Variants in TAMALIN observed in about 807,000 individuals in gnomAD.
The protein encoded by TAMALIN is protein TAMALIN.
Under a neutral mutation model 38.5 loss-of-function variants are expected in TAMALIN, and 9 were observed. The ratio of observed to expected loss-of-function variants is 0.23; its 90% CI spans 0.14 to 0.41. TAMALIN has a LOEUF of 0.41. TAMALIN is among the 10% of genes least tolerant of loss of function. The pLI, the probability that TAMALIN is intolerant of heterozygous loss-of-function variation, is 1.00. For synonymous variants in TAMALIN, 306 were observed against 256.5 expected, an observed-to-expected ratio of 1.19 and a Z score of -1.85; for missense variants, 548 against 554.1, an observed-to-expected ratio of 0.99 and a Z score of 0.11.
chr12:52,013,649 C>A, intron 4 of TAMALIN, 38 bp from the exon 5 acceptor site: 1 of 1,578,892 alleles, frequency 6.3e-7, no homozygotes, highest in South Asian at 1.1e-5. Context: ...TCTAGCATGC[C>A]CCATGGAGCA....
intron 1 of TAMALIN, chr12:52,008,009 T>G (rs904888593): frequency 2.0e-6 from 2 of 985,318 alleles, no homozygotes; most frequent in Admixed American, 6.1e-5. Flanking sequence ...AGGGGCCTGG[T>G]GGCCTTTCCT....
Position 52,007,199 on chromosome 12 carries a change from G to A in TAMALIN, c.180G>A (p.Glu60=). The change falls in exon 1 of 8, where the codon GAG becomes GAA. Residue 60 remains glutamate (E), a synonymous_variant. Coordinates refer to ENST00000293662, the MANE Select transcript of TAMALIN (RefSeq NM_181711.4). This position sits in a 1 kb window ranked among gnomAD's most constrained non-coding sequence, Gnocchi z 6.7. ...PPADELYAAL[E]DYHPAELYRA... ...CGGACGAGCTGTACGCGGCGCTGGA[G>A]GACTATCACCCTGCCGAGCTGTACC... 2.0e-6 allele frequency: 3 copies of A among 1,525,252 alleles called. No homozygotes were observed. The highest frequency in any genetic ancestry group is 1.7e-6 in the Non-Finnish European group (2 of 1,147,760). The allele number at this position is 1,525,252 out of a possible 1,614,324, so 94.5% of individuals were successfully genotyped here.
intron 1 of TAMALIN, chr12:52,008,272 G>C (rs1042252920): frequency 2.0e-6 from 2 of 985,238 alleles, no homozygotes; most frequent in African/African-American, 1.7e-5. Context: ...GCCCTGGGCT[G>C]TGCAGGCTCC....
At chr12:52,012,858 C>G (rs996793086) in intron 4 of TAMALIN, among the ~76,000 whole-genome samples, 35 of 152,298 alleles carry the variant, frequency 2.3e-4, no homozygotes, top group Middle Eastern at 6.8e-3. Flanking sequence ...GCCAGTCATT[C>G]CCTGTGCTTC....
chr12:52,014,054 C>A, intron 6 of TAMALIN, 81 bp from the exon 7 acceptor site: 1 of 1,549,636 alleles, frequency 6.5e-7, no homozygotes, highest in Non-Finnish European at 8.9e-7. Flanking sequence ...CTTTTGTCTA[C>A]TCCCTGATCC....
chr12:52,011,249 T>C lies in TAMALIN; in HGVS notation c.454+108T>C. ...GAAATCAATTCCTCTTCCTTTTCCTTCTTTGAGAAGGCCAGAAAGAAGAAT... is the reference window on the plus strand; with the variant it reads ...GAAATCAATTCCTCTTCCTTTTCCTCCTTTGAGAAGGCCAGAAAGAAGAAT... On this transcript the variant is annotated intron_variant, in intron 4 of 7. Transcript: ENST00000293662. This position sits in a 1 kb window ranked among gnomAD's most constrained non-coding sequence, Gnocchi z 5.3. The C allele has an allele frequency of 1.9e-6, 3 of 1,559,946 alleles. No individual in the cohort carries two copies. Among genetic ancestry groups the C allele is most frequent in the Non-Finnish European group, 2.6e-6 (3 of 1,155,674 alleles).
At position 52,014,730 on chromosome 12, in the gene TAMALIN, T is replaced by C. The variant is rs1234154708; in HGVS notation, c.719T>C (p.Leu240Pro). The C allele has an allele frequency of 6.6e-7, 1 of 1,520,412 alleles. No homozygotes were observed. Among genetic ancestry groups the C allele is most frequent in the Non-Finnish European group, 8.7e-7 (1 of 1,147,296 alleles). The allele number at this position is 1,520,412 out of a possible 1,614,324, so 94.2% of individuals were successfully genotyped here. ...VVKDPSIYDT[L>P]ESVRSCLYGA... ...AAGGACCCCAGCATCTACGACACGC[T>C]GGAGTCGGTGCGCTCCTGCCTCTAC... Residue 240 changes from leucine (L) to proline (P), a missense_variant, in exon 8 of 8, where the codon CTG becomes CCG. By Grantham distance (98) the Leu-to-Pro change is moderately conservative. Transcript: ENST00000293662.
rs1329503576 is a variant in TAMALIN, at chr12:52,007,986, C to G, written c.246+721C>G. The G allele has an allele frequency of 3.0e-6, 3 of 985,280 alleles. No individual in the cohort carries two copies. Among genetic ancestry groups the G allele is most frequent in the Non-Finnish European group, 3.6e-6 (3 of 829,882 alleles). 61.0% of individuals were successfully genotyped at this position (985,280 alleles called of 1,614,324 possible). Reference sequence around the variant, plus strand: ...CCTGAGGCTCAGAACCTACACAACACCAGGTTAAGAAGAGGGGCCTGGTGG... The same window carrying G: ...CCTGAGGCTCAGAACCTACACAACAGCAGGTTAAGAAGAGGGGCCTGGTGG... On this transcript the variant is annotated intron_variant, in intron 1 of 7. Coordinates refer to ENST00000293662, the MANE Select transcript of TAMALIN (RefSeq NM_181711.4). The surrounding 1 kb of genome is among the most constrained non-coding windows in gnomAD (Gnocchi z 6.7).
chr12:52,008,783 C>T, intron 1 of TAMALIN: 6 of 983,094 alleles, frequency 6.1e-6, no homozygotes, highest in Non-Finnish European at 7.2e-6. Flanking sequence ...GACACCTATC[C>T]TCTGAATCCC....
At chr12:52,009,125 C>G in intron 1 of TAMALIN, 65 bp from the exon 2 acceptor site, 1 of 1,505,070 alleles carries the variant, frequency 6.6e-7, no homozygotes, top group South Asian at 1.1e-5. Flanking sequence ...TCCAGGGTAA[C>G]CTCTCAGTGT....
chr12:52,010,663 A>T, intron 2 of TAMALIN: 1 of 964,236 alleles, frequency 1.0e-6, no homozygotes, highest in Non-Finnish European at 1.4e-6. Context: ...CTTCCCTCCC[A>T]CCACTAGAGG....
At position 52,011,312 on chromosome 12, in the gene TAMALIN, A is replaced by G. The variant is rs1937640036; in HGVS notation, c.454+171A>G. The G allele has an allele frequency of 8.5e-7, 1 of 1,174,942 alleles. No homozygotes were observed. The highest frequency in any genetic ancestry group is 1.5e-5 in the African/African-American group (1 of 65,964). 72.8% of individuals were successfully genotyped at this position (1,174,942 alleles called of 1,614,324 possible). A position where few individuals can be genotyped will look rare whatever the true frequency, so the allele number is the denominator to read the frequency against. Reference sequence around the variant, plus strand: ...GGCTTTGGATCTAGGCAAATTTGCCATGTACTGTGTGATCTTGCACAGCCC... The same window carrying G: ...GGCTTTGGATCTAGGCAAATTTGCCGTGTACTGTGTGATCTTGCACAGCCC... On this transcript the variant is annotated intron_variant, in intron 4 of 7. Transcript: ENST00000293662. This position sits in a 1 kb window ranked among gnomAD's most constrained non-coding sequence, Gnocchi z 5.3.
chr12:52,009,366 G>C lies in TAMALIN; in HGVS notation c.296+127G>C. On this transcript the variant is annotated intron_variant, in intron 2 of 7. Transcript: ENST00000293662. Reference sequence around the variant, plus strand: ...CCTAGCCTTTAAACATGGCTCCCCCGCTGGGAGTGAGGGCAGGTGGGGGTG... The same window carrying C: ...CCTAGCCTTTAAACATGGCTCCCCCCCTGGGAGTGAGGGCAGGTGGGGGTG... 3.4e-6 allele frequency: 3 copies of C among 889,750 alleles called. No homozygotes were observed. The South Asian group carries it at 4.5e-5, about 13-fold the overall frequency. The allele number at this position is 889,750 out of a possible 1,614,324, so 55.1% of individuals were successfully genotyped here. A position where few individuals can be genotyped will look rare whatever the true frequency, so the allele number is the denominator to read the frequency against.
At chr12:52,008,068 T>G (rs1011968919) in intron 1 of TAMALIN, 2 of 985,246 alleles carry the variant, frequency 2.0e-6, no homozygotes, top group East Asian at 1.1e-4. Flanking sequence ...CCCCACACAA[T>G]GAACAGCTTG....
Position 52,007,709 on chromosome 12 carries a change from C to CT in TAMALIN, c.246+445dup, listed in dbSNP as rs368937836. ...TGGCTGCGCCGCGTGCGTTCTCACT[C>CT]TGAGGAAGTGCGTGGGGAGCCGCTG... On this transcript the variant is annotated intron_variant, in intron 1 of 7. Coordinates refer to ENST00000293662, the MANE Select transcript of TAMALIN (RefSeq NM_181711.4). This position sits in a 1 kb window ranked among gnomAD's most constrained non-coding sequence, Gnocchi z 6.7. 8.5e-5 allele frequency: 84 copies of CT among 985,458 alleles called. No individual in the cohort carries two copies. In the African/African-American group the frequency reaches 1.3e-3, roughly 16 times the overall value. The allele number at this position is 985,458 out of a possible 1,614,324, so 61.0% of individuals were successfully genotyped here. A position where few individuals can be genotyped will look rare whatever the true frequency, so the allele number is the denominator to read the frequency against.
rs1387080766 is a variant in TAMALIN at position 52,006,990 on chromosome 12, C to A, written c.-30C>A. The A allele has an allele frequency of 1.2e-5, 16 of 1,345,938 alleles. No homozygotes were observed. Among genetic ancestry groups the A allele is most frequent in the Non-Finnish European group, 1.4e-5 (15 of 1,054,600 alleles). The allele number at this position is 1,345,938 out of a possible 1,614,324, so 83.4% of individuals were successfully genotyped here. A position where few individuals can be genotyped will look rare whatever the true frequency, so the allele number is the denominator to read the frequency against. ...CAGCCCCGCCGAGGGGAGCCAGCGC[C>A]GTCTCTGAGGGGCGTCCGGCGCCGG... On this transcript the variant is annotated 5_prime_UTR_variant, in exon 1 of 8. Transcript: ENST00000293662.
Position 52,007,658 on chromosome 12 carries a change from A to T in TAMALIN, c.246+393A>T. On this transcript the variant is annotated intron_variant, in intron 1 of 7. Transcript: ENST00000293662. This position sits in a 1 kb window ranked among gnomAD's most constrained non-coding sequence, Gnocchi z 6.7. ...GCCCCAGGCAAGTTGAAGGTCCGAGAGCCCCCGGTGGGAGAAGCGGGCCGG... is the reference window on the plus strand; with the variant it reads ...GCCCCAGGCAAGTTGAAGGTCCGAGTGCCCCCGGTGGGAGAAGCGGGCCGG... The T allele has an allele frequency of 1.0e-6, 1 of 985,310 alleles. No homozygotes were observed. Among genetic ancestry groups the T allele is most frequent in the South Asian group, 4.7e-5 (1 of 21,276 alleles). 61.0% of individuals were successfully genotyped at this position (985,310 alleles called of 1,614,324 possible).
In TAMALIN at chr12:52,011,017, A is replaced by C; in HGVS notation, c.352-22A>C. On this transcript the variant is annotated intron_variant, in intron 3 of 7. Coordinates refer to ENST00000293662, the MANE Select transcript of TAMALIN (RefSeq NM_181711.4). The surrounding 1 kb of genome is among the most constrained non-coding windows in gnomAD (Gnocchi z 5.3). Reference sequence around the variant, plus strand: ...ACGGACTTGTCCCAACCCTGGGCTGAGGGTCCCCTTGTCCATTACAGACTT... The same window carrying C: ...ACGGACTTGTCCCAACCCTGGGCTGCGGGTCCCCTTGTCCATTACAGACTT... 1 of 1,613,890 alleles carries C rather than the reference A, an allele frequency of 6.2e-7. No homozygotes were observed. Among genetic ancestry groups the C allele is most frequent in the Non-Finnish European group, 8.5e-7 (1 of 1,179,990 alleles).
chr12:52,015,457 G>T lies in TAMALIN; in HGVS notation c.*258G>T. The T allele has an allele frequency of 6.6e-6, 3 of 454,592 alleles. No homozygotes were observed. The highest frequency in any genetic ancestry group is 4.5e-5 in the East Asian group (1 of 22,224). 28.2% of individuals were successfully genotyped at this position (454,592 alleles called of 1,614,324 possible). A position where few individuals can be genotyped will look rare whatever the true frequency, so the allele number is the denominator to read the frequency against. On this transcript the variant is annotated 3_prime_UTR_variant, in exon 8 of 8. Coordinates refer to ENST00000293662, the MANE Select transcript of TAMALIN (RefSeq NM_181711.4). ...AGGCAATCGGGGGCCAAAGATGGGGGTGCTCGCCTACAGTCTGCATCTGTA... is the reference window on the plus strand; with the variant it reads ...AGGCAATCGGGGGCCAAAGATGGGGTTGCTCGCCTACAGTCTGCATCTGTA...
Sources: gnomAD v4.1 joint callset for allele counts (sites outside exome capture counted in the v4.1 genomes callset) on GRCh38, gnomAD v4.1.1 for gene constraint, Gnocchi (gnomAD v3.1) non-coding constraint, MANE v1.5 for transcripts, NCBI Gene and HGNC (gene_info 2026-07-23, HGNC 2026-07-21) for gene names.